The following METTL16 variants were observed in gnomAD, a reference collection of about 807,000 sequenced individuals.
METTL16 encodes the protein methyltransferase 16, RNA N6-adenosine.
A neutral mutation model predicts 57.9 loss-of-function variants in METTL16; 19 were observed. That is an observed-to-expected ratio of 0.33 (90% CI 0.23 to 0.48). METTL16 has a LOEUF of 0.48. Among genes scored for constraint, METTL16 ranks in the 20% least tolerant of loss-of-function variants. The probability of loss-of-function intolerance (pLI) is 0.99; values close to 1 mark genes in which losing one functional copy is unlikely to be tolerated. For synonymous variants in METTL16, 246 were observed against 255.6 expected (o/e 0.96, Z 0.36); for missense variants, 434 against 691.5 (o/e 0.63, Z 4.18).
intron 4 of METTL16, among the ~76,000 whole-genome samples, chr17:2,468,511 T>C (rs1015759744): frequency 6.6e-6 from 1 of 152,094 alleles, no homozygotes; most frequent in Non-Finnish European, 1.5e-5. Context: ...CATCAAAGGG[T>C]CTCAGCTAGA....
intron 1 of METTL16, among the ~76,000 whole-genome samples, chr17:2,504,221 G>C (rs547376297): frequency 1.3e-5 from 2 of 152,126 alleles, no homozygotes; most frequent in African/African-American, 4.8e-5. Context: ...AGCTGGGGAG[G>C]GAAGAATGAG....
intron 8 of METTL16, among the ~76,000 whole-genome samples, chr17:2,425,402 G>A (rs535554820): frequency 1.2e-4 from 18 of 152,152 alleles, no homozygotes; most frequent in African/African-American, 4.3e-4. Flanking sequence ...TTAATGCAAA[G>A]AACTAGGTGA....
chr17:2,447,655 G>A (rs2067014727), intron 6 of METTL16, among the ~76,000 whole-genome samples: 1 of 132,866 alleles, frequency 7.5e-6, no homozygotes, highest in African/African-American at 3.1e-5. Flanking sequence ...CCCCTACTGG[G>A]AAGTGAGGAG....
rs78868289 is a variant in METTL16 at position 2,496,279 on chromosome 17, A to T, written c.128+5925T>A. On this transcript the variant is annotated intron_variant, in intron 2 of 9. Transcript: ENST00000263092. Reference sequence around the variant, plus strand: ...TCTGTCTACTTAGTTAGAAATATTTAAAAAAAAGTTCCAAATTACGTCAAA... The same window carrying T: ...TCTGTCTACTTAGTTAGAAATATTTTAAAAAAAGTTCCAAATTACGTCAAA... Among the ~76,000 whole-genome samples, 985 of 151,478 alleles carry T rather than the reference A, an allele frequency of 6.5e-3. 31 individuals carry two copies. Among genetic ancestry groups the T allele is most frequent in the African/African-American group, 0.02 (824 of 40,864 alleles).
At chr17:2,502,975 G>A (rs960781899) in intron 1 of METTL16, among the ~76,000 whole-genome samples, 10 of 152,144 alleles carry the variant, frequency 6.6e-5, no homozygotes, top group Non-Finnish European at 1.3e-4. Flanking sequence ...TGAAGAAATT[G>A]GAGTTCTCAT....
At chr17:2,433,161 CT>C (rs1432006799) in intron 8 of METTL16, among the ~76,000 whole-genome samples, 2 of 152,266 alleles carry the variant, frequency 1.3e-5, no homozygotes, top group East Asian at 3.9e-4. Context: ...TATGGGAGCT[CT>C]ATGCAAGTAA....
intron 6 of METTL16, among the ~76,000 whole-genome samples, chr17:2,463,586 C>T (rs1186209120): frequency 6.6e-6 from 1 of 151,940 alleles, no homozygotes; most frequent in African/African-American, 2.4e-5. Context: ...GTCAGCCTCC[C>T]TAGTAGCTGG....
intron 1 of METTL16, among the ~76,000 whole-genome samples, chr17:2,511,344 C>G (rs1399423455): frequency 6.6e-6 from 1 of 151,936 alleles, no homozygotes; most frequent in African/African-American, 2.4e-5. Context: ...AATTTCAGAA[C>G]TTCAAATTCT....
intron 5 of METTL16, among the ~76,000 whole-genome samples, chr17:2,465,303 G>A (rs2067183784): frequency 6.6e-6 from 1 of 151,920 alleles, no homozygotes; most frequent in Non-Finnish European, 1.5e-5. Flanking sequence ...CAGCACTTTA[G>A]GAGGCCGAGG....
intron 2 of METTL16, among the ~76,000 whole-genome samples, chr17:2,494,737 C>T (rs952484833): frequency 1.3e-5 from 2 of 151,904 alleles, no homozygotes; most frequent in African/African-American, 2.4e-5. Context: ...TGGTTGCTCA[C>T]GCCTGTAATC....
chr17:2,473,846 C>A (rs2067251702), intron 3 of METTL16, among the ~76,000 whole-genome samples, 182 bp from the exon 4 acceptor site: 1 of 152,140 alleles, frequency 6.6e-6, no homozygotes, highest in South Asian at 2.1e-4. Context: ...TCAGGCGATT[C>A]TCCCTGCTCA....
At chr17:2,438,805 TTTG>T (rs1371597572) in intron 7 of METTL16, among the ~76,000 whole-genome samples, 1 of 152,324 alleles carries the variant, frequency 6.6e-6, no homozygotes, top group African/African-American at 2.4e-5. Context: ...CAAGTGATTT[TTTG>T]TTTTCTTTTT....
At chr17:2,443,759 G>A (rs964150939) in intron 6 of METTL16, among the ~76,000 whole-genome samples, 33 of 152,104 alleles carry the variant, frequency 2.2e-4, no homozygotes, top group African/African-American at 8.0e-4. Context: ...TCGGCCTCCC[G>A]AAGTGCGGGG....
rs1408093538 is a variant in METTL16, at chr17:2,507,039, T to C, written c.1-4708A>G. On this transcript the variant is annotated intron_variant, in intron 1 of 9. Coordinates refer to ENST00000263092, the MANE Select transcript of METTL16 (RefSeq NM_024086.4). ...CACCCCGTCTGGGAAGTGAGGATCG[T>C]CTCCACCCGGCAGCCACCCCGTCCG... 3.5e-5 allele frequency among the ~76,000 whole-genome samples: 5 copies of C among 144,726 alleles called. No individual in the cohort carries two copies. The East Asian group carries it at 6.5e-4, about 19-fold the overall frequency. The allele number at this position is 144,726 out of a possible 152,430, so 94.9% of individuals were successfully genotyped here.
At chr17:2,446,932 AGCC>A (rs1455004459) in intron 6 of METTL16, among the ~76,000 whole-genome samples, 3 of 151,436 alleles carry the variant, frequency 2.0e-5, no homozygotes, top group Non-Finnish European at 4.4e-5. Context: ...GGCTCGCTAC[AGCC>A]TCCACCTCCC....
chr17:2,487,390 T>C (rs1248805238), intron 2 of METTL16, among the ~76,000 whole-genome samples: 1 of 152,162 alleles, frequency 6.6e-6, no homozygotes, highest in Non-Finnish European at 1.5e-5. Context: ...GGAGAAAATA[T>C]AAAGTGCGAA....
intron 5 of METTL16, among the ~76,000 whole-genome samples, chr17:2,465,036 T>C (rs2067181427): frequency 6.6e-6 from 1 of 152,162 alleles, no homozygotes; most frequent in Non-Finnish European, 1.5e-5. Context: ...AATAAGGAAC[T>C]TGCTTATAAA....
chr17:2,457,012 ATTGT>A (rs908577791), intron 6 of METTL16, among the ~76,000 whole-genome samples: 9 of 150,270 alleles, frequency 6.0e-5, no homozygotes, highest in African/African-American at 2.2e-4. Context: ...GTGTGGTTAT[ATTGT>A]TTAAGAGATA....
intron 2 of METTL16, among the ~76,000 whole-genome samples, chr17:2,490,598 G>A (rs2067380767): frequency 1.3e-5 from 2 of 152,048 alleles, no homozygotes; most frequent in Non-Finnish European, 2.9e-5. Context: ...TCCCATTAAG[G>A]GGTCTATAAT....
Sources: allele counts gnomAD v4.1 joint callset (sites outside exome capture counted in the v4.1 genomes callset), GRCh38; gene constraint gnomAD v4.1.1; transcripts MANE v1.5; gene names NCBI Gene and HGNC (gene_info 2026-07-23, HGNC 2026-07-21).